CDC40: variants seen among roughly 807,000 people sequenced by gnomAD.
The protein encoded by CDC40 is cell division cycle 40.
A neutral mutation model predicts 80.6 loss-of-function variants in CDC40; 27 were observed. That is an observed-to-expected ratio of 0.33 (90% CI 0.25 to 0.46). CDC40 has a LOEUF of 0.46. Ranked by LOEUF, CDC40 falls within the 20% of genes least tolerant of loss-of-function variation. The pLI is 1.00. For missense variants in CDC40, 486 were observed against 694.1 expected (o/e 0.70, Z 3.37); for synonymous variants, 221 against 232.6 (o/e 0.95, Z 0.45).
At chr6:110,225,286 AT>A (rs1777837142) in intron 12 of CDC40, among the ~76,000 whole-genome samples, 1 of 152,218 alleles carries the variant, frequency 6.6e-6, no homozygotes, top group Admixed American at 6.5e-5. Flanking sequence ...TACAAAAAAA[AT>A]ATTTCTGGTC....
At chr6:110,186,984 T>A (rs926014960) in intron 1 of CDC40, among the ~76,000 whole-genome samples, 7 of 149,808 alleles carry the variant, frequency 4.7e-5, no homozygotes, top group South Asian at 2.1e-4. Flanking sequence ...CTGGATAAAA[T>A]TTTTTTTTTT....
chr6:110,181,310 C>T (rs1165309176), intron 1 of CDC40, among the ~76,000 whole-genome samples: 1 of 152,146 alleles, frequency 6.6e-6, no homozygotes, highest in East Asian at 1.9e-4. Flanking sequence ...AGTTTCCAGG[C>T]AGAGGTGACA....
chr6:110,184,386 GT>G (rs1050736621), intron 1 of CDC40, among the ~76,000 whole-genome samples: 21 of 132,238 alleles, frequency 1.6e-4, no homozygotes, highest in South Asian at 2.4e-4. Context: ...TTTTAGTTTT[GT>G]TTTTTTTTTT....
At chr6:110,221,272 G>C (rs1777772707) in intron 12 of CDC40, among the ~76,000 whole-genome samples, 1 of 152,170 alleles carries the variant, frequency 6.6e-6, no homozygotes, top group African/African-American at 2.4e-5. Context: ...TCCATCCCCA[G>C]AAGCTTTTCT....
rs118108350 is a variant in CDC40, at chr6:110,201,919, A to C, written c.406+232A>C. ...TTCTGAGTACTGGAAATATTCTGTG[A>C]TCTTAACCAGAATGCTCTTTGTTGT... is the stretch of plus-strand genomic sequence containing the variant. On this transcript the variant is annotated intron_variant, in intron 3 of 14. Transcript: ENST00000307731. 9.2e-5 allele frequency among the ~76,000 whole-genome samples: 14 copies of C among 152,284 alleles called. No homozygotes were observed. The East Asian group carries it at 2.3e-3, about 25-fold the overall frequency.
intron 1 of CDC40, among the ~76,000 whole-genome samples, chr6:110,184,855 A>G (rs1390155082): frequency 2.0e-5 from 3 of 152,220 alleles, no homozygotes; most frequent in Non-Finnish European, 4.4e-5. Flanking sequence ...AAAATATTTC[A>G]GCAAAAATTG....
At chr6:110,194,550 C>G (rs180701031) in intron 2 of CDC40, among the ~76,000 whole-genome samples, 1 of 152,278 alleles carries the variant, frequency 6.6e-6, no homozygotes, top group Admixed American at 6.5e-5. Flanking sequence ...AAAAATCTTC[C>G]CATGCTCTGA....
At chr6:110,221,857 G>C (rs996476711) in intron 12 of CDC40, among the ~76,000 whole-genome samples, 2 of 147,678 alleles carry the variant, frequency 1.4e-5, no homozygotes, top group Non-Finnish European at 3.0e-5. Context: ...GATAATGTTA[G>C]TATGTTTCTT....
At chr6:110,215,023 G>A (rs905182757) in intron 8 of CDC40, among the ~76,000 whole-genome samples, 1 of 152,168 alleles carries the variant, frequency 6.6e-6, no homozygotes, top group Non-Finnish European at 1.5e-5. Flanking sequence ...CTATAGTTAA[G>A]TCTCTTTTTT....
At chr6:110,195,049 AG>A (rs1777400970) in intron 2 of CDC40, among the ~76,000 whole-genome samples, 1 of 152,212 alleles carries the variant, frequency 6.6e-6, no homozygotes, top group Non-Finnish European at 1.5e-5. Context: ...AAGGTAAAAA[AG>A]GACTGATAGG....
Position 110,209,233 on chromosome 6 carries a change from G to T in CDC40, c.630+10G>T. On this transcript the variant is annotated intron_variant, in intron 5 of 14. Coordinates refer to ENST00000307731, the MANE Select transcript of CDC40 (RefSeq NM_015891.3). ...AGCCAAACCTTCAGAAGTAAGCTTT[G>T]ATGTTTTTAATTGTCAATTCAGGTA... The T allele has an allele frequency of 6.2e-7, 1 of 1,611,032 alleles. No homozygotes were observed. Among genetic ancestry groups the T allele is most frequent in the South Asian group, 1.1e-5 (1 of 90,984 alleles).
chr6:110,217,615 CTG>C (rs1266122017), intron 9 of CDC40, 85 bp from the exon 10 acceptor site: 1 of 725,204 alleles, frequency 1.4e-6, no homozygotes, highest in African/African-American at 1.7e-5. Context: ...CTGCTTAGTG[CTG>C]TTTGTCTTTA....
chr6:110,220,709 T>C (rs1041947719), intron 12 of CDC40, among the ~76,000 whole-genome samples: 6 of 152,192 alleles, frequency 3.9e-5, no homozygotes, highest in African/African-American at 1.4e-4. Flanking sequence ...CCTCCCAAAG[T>C]GCTGGGATTA....
chr6:110,217,654 A>G (rs750331026), intron 9 of CDC40, 48 bp from the exon 10 acceptor site: 1 of 832,918 alleles, frequency 1.2e-6, no homozygotes, highest in South Asian at 1.3e-5. Context: ...AGAGAAGAAG[A>G]TATATGATAC....
chr6:110,198,759 T>C (rs575816798), intron 2 of CDC40, among the ~76,000 whole-genome samples: 2 of 152,226 alleles, frequency 1.3e-5, no homozygotes, highest in African/African-American at 4.8e-5. Context: ...ACATTCACAT[T>C]TATGTTATGT....
At chr6:110,185,143 G>T (rs1777248076) in intron 1 of CDC40, among the ~76,000 whole-genome samples, 1 of 152,050 alleles carries the variant, frequency 6.6e-6, no homozygotes, top group Non-Finnish European at 1.5e-5. Flanking sequence ...TTCAGTAAAG[G>T]GCCAGACAGT....
chr6:110,210,889 A>G (rs891042111), intron 6 of CDC40, 86 bp downstream of exon 6: 4 of 517,026 alleles, frequency 7.7e-6, no homozygotes. Context: ...AATTACCCTT[A>G]CTATCAGCTG....
At chr6:110,217,920 T>C (rs1777721315) in intron 10 of CDC40, 117 bp downstream of exon 10, 2 of 566,148 alleles carry the variant, frequency 3.5e-6, no homozygotes, top group Admixed American at 3.2e-5. Context: ...TCTCATACCA[T>C]TCACTGTCAG....
At chr6:110,199,100 G>T (rs1388910533) in intron 2 of CDC40, 1 of 152,136 alleles carries the variant, frequency 6.6e-6, no homozygotes, top group Non-Finnish European at 1.5e-5. Flanking sequence ...ATCACTGGAA[G>T]ATTTTTTTGT....
Sources: gnomAD v4.1 joint callset for allele counts (sites outside exome capture counted in the v4.1 genomes callset) on GRCh38, gnomAD v4.1.1 for gene constraint, MANE v1.5 for transcripts, NCBI Gene and HGNC (gene_info 2026-07-23, HGNC 2026-07-21) for gene names.